The following PPARGC1A variants were observed in gnomAD, a reference collection of about 807,000 sequenced individuals.
PPARGC1A encodes the protein peroxisome proliferator-activated receptor gamma coactivator 1-alpha.
A neutral mutation model predicts 88.7 loss-of-function variants in PPARGC1A; 25 were observed. That is an observed-to-expected ratio of 0.28 (90% CI 0.21 to 0.39). The LOEUF is 0.39. Among genes scored for constraint, PPARGC1A ranks in the 10% least tolerant of loss-of-function variants. The probability of loss-of-function intolerance (pLI) is 1.00; values close to 1 mark genes in which losing one functional copy is unlikely to be tolerated. For synonymous variants in PPARGC1A, 363 were observed against 355.6 expected, an observed-to-expected ratio of 1.02 and a Z score of -0.24; for missense variants, 880 against 968.7, an observed-to-expected ratio of 0.91 and a Z score of 1.22.
At chr4:24,109,051 C>T in the PPARGC1A span, among the ~76,000 whole-genome samples, 1 of 148,118 alleles carries the variant, frequency 6.8e-6, no homozygotes, top group Non-Finnish European at 1.5e-5. Context: ...CACACACACA[C>T]ACACACCTGA....
At chr4:23,931,185 C>T in the PPARGC1A span, among the ~76,000 whole-genome samples, 4 of 152,138 alleles carry the variant, frequency 2.6e-5, no homozygotes, top group Non-Finnish European at 5.9e-5. Flanking sequence ...GTCCCCTCCA[C>T]AGTTGATTAG....
chr4:24,127,609 C>T, the PPARGC1A span, among the ~76,000 whole-genome samples: 1 of 151,682 alleles, frequency 6.6e-6, no homozygotes, highest in Admixed American at 6.6e-5. Context: ...AGAGATAGAA[C>T]TTCATAAAAA....
chr4:23,806,578 T>C (rs962116706), intron 10 of PPARGC1A, among the ~76,000 whole-genome samples: 5 of 152,200 alleles, frequency 3.3e-5, no homozygotes, highest in African/African-American at 9.7e-5. Flanking sequence ...GGATGGTACA[T>C]TTATCAAATA....
At chr4:24,375,026 A>AAG in the PPARGC1A span, among the ~76,000 whole-genome samples, 7 of 151,804 alleles carry the variant, frequency 4.6e-5, no homozygotes, top group Non-Finnish European at 8.8e-5. Flanking sequence ...AAAAAAAAAA[A>AAG]AAAGAAACCT....
the PPARGC1A span, among the ~76,000 whole-genome samples, chr4:23,924,872 A>G: frequency 6.6e-6 from 1 of 152,054 alleles, no homozygotes; most frequent in South Asian, 2.1e-4. Flanking sequence ...CATACACCAA[A>G]CAGGAGAAAG....
chr4:23,999,196 C>G, the PPARGC1A span, among the ~76,000 whole-genome samples: 1 of 152,192 alleles, frequency 6.6e-6, no homozygotes, highest in Non-Finnish European at 1.5e-5. Flanking sequence ...TCCCTACACT[C>G]TTCTGTGGAA....
chr4:24,205,239 C>T, the PPARGC1A span, among the ~76,000 whole-genome samples: 3 of 152,280 alleles, frequency 2.0e-5, no homozygotes, highest in African/African-American at 7.2e-5. Flanking sequence ...GATATTGATC[C>T]CGGAGCATCT....
At chr4:24,140,461 A>C in the PPARGC1A span, among the ~76,000 whole-genome samples, 3 of 152,164 alleles carry the variant, frequency 2.0e-5, no homozygotes, top group Non-Finnish European at 2.9e-5. Context: ...ACAATGCTAC[A>C]TTGAAAACTT....
chr4:23,958,442 C>G, the PPARGC1A span, among the ~76,000 whole-genome samples: 1 of 152,144 alleles, frequency 6.6e-6, no homozygotes, highest in East Asian at 1.9e-4. Context: ...GCCTGGGGTC[C>G]TAAACAATTT....
the PPARGC1A span, among the ~76,000 whole-genome samples, chr4:24,192,542 T>C: frequency 6.6e-6 from 1 of 152,200 alleles, no homozygotes; most frequent in Non-Finnish European, 1.5e-5. Flanking sequence ...CAGTACTTTG[T>C]GAAATCTTCC....
chr4:23,944,887 A>G, the PPARGC1A span, among the ~76,000 whole-genome samples: 1 of 152,148 alleles, frequency 6.6e-6, no homozygotes, highest in Non-Finnish European at 1.5e-5. Context: ...TCTTTCCTTT[A>G]TAAATTACCC....
the PPARGC1A span, among the ~76,000 whole-genome samples, chr4:24,189,290 T>C: frequency 2.6e-5 from 4 of 152,154 alleles, no homozygotes; most frequent in Admixed American, 2.0e-4. Flanking sequence ...ATCGTTAGAA[T>C]GGTAATTTCT....
chr4:24,265,824 C>T, the PPARGC1A span, among the ~76,000 whole-genome samples: 1 of 151,460 alleles, frequency 6.6e-6, no homozygotes, highest in African/African-American at 2.4e-5. Context: ...TAAGACTCAC[C>T]CACATTCTAG....
chr4:23,866,994 C>T (rs1712155434), intron 2 of PPARGC1A, among the ~76,000 whole-genome samples: 1 of 151,600 alleles, frequency 6.6e-6, no homozygotes, highest in Non-Finnish European at 1.5e-5. Context: ...TAAGAACCTA[C>T]TATGTGTATC....
chr4:24,172,248 A>G, the PPARGC1A span, among the ~76,000 whole-genome samples: 791 of 152,348 alleles, frequency 5.2e-3, 7 homozygotes, highest in African/African-American at 0.018. Flanking sequence ...GAAGAAAATA[A>G]TATGTTCAGA....
chr4:24,218,222 G>A, the PPARGC1A span, among the ~76,000 whole-genome samples: 1 of 152,180 alleles, frequency 6.6e-6, no homozygotes, highest in African/African-American at 2.4e-5. Context: ...TTCAATAAAT[G>A]CTTGTCAATG....
the PPARGC1A span, among the ~76,000 whole-genome samples, chr4:24,329,951 T>C: frequency 1.1e-4 from 17 of 152,288 alleles, no homozygotes; most frequent in African/African-American, 4.1e-4. Flanking sequence ...GGCACAAGGA[T>C]TTCAGATGGT....
chr4:24,295,370 TTATA>T, the PPARGC1A span, among the ~76,000 whole-genome samples: 12 of 152,254 alleles, frequency 7.9e-5, no homozygotes, highest in African/African-American at 2.2e-4. Context: ...TATGAATAGA[TTATA>T]TATAAATAGG....
chr4:24,301,360 G>A, the PPARGC1A span, among the ~76,000 whole-genome samples: 9 of 152,090 alleles, frequency 5.9e-5, no homozygotes, highest in Admixed American at 3.3e-4. Context: ...AATAACACCA[G>A]TAGTGATTTA....
Sources: gnomAD v4.1 joint callset for allele counts (sites outside exome capture counted in the v4.1 genomes callset) on GRCh38, gnomAD v4.1.1 for gene constraint, MANE v1.5 for transcripts, NCBI Gene and HGNC (gene_info 2026-07-23, HGNC 2026-07-21) for gene names.